SPATA13: variants seen among roughly 807,000 people sequenced by gnomAD.
SPATA13 encodes the protein spermatogenesis associated 13, also known as spermatogenesis-associated protein 13.
A neutral mutation model predicts 104.0 loss-of-function variants in SPATA13; 50 were observed. The observed-to-expected ratio is 0.48, with a 90% CI of 0.38 to 0.61. The LOEUF (loss-of-function observed/expected upper bound fraction) is 0.61. SPATA13 is among the 20% of genes least tolerant of loss of function. SPATA13 has a pLI of 0.00. For synonymous variants in SPATA13, 606 were observed against 667.5 expected, an observed-to-expected ratio of 0.91 and a Z score of 1.42; for missense variants, 1,524 against 1,690.6, an observed-to-expected ratio of 0.90 and a Z score of 1.73.
chr13:24,047,303 G>A (rs1002391970), intron 3 of SPATA13, among the ~76,000 whole-genome samples: 2 of 152,200 alleles, frequency 1.3e-5, no homozygotes, highest in Admixed American at 1.3e-4. Flanking sequence ...CTCCTAAGAG[G>A]CAAGGAATTA....
At chr13:24,247,397 C>A (rs796235428) in intron 2 of SPATA13, among the ~76,000 whole-genome samples, 3 of 151,736 alleles carry the variant, frequency 2.0e-5, no homozygotes, top group African/African-American at 7.2e-5. Context: ...TTCTTTAGGT[C>A]CCAGTTTTCC....
At chr13:24,278,059 T>C (rs1471681353) in intron 4 of SPATA13, among the ~76,000 whole-genome samples, 1 of 152,128 alleles carries the variant, frequency 6.6e-6, no homozygotes, top group African/African-American at 2.4e-5. Flanking sequence ...CAGGCCCCAC[T>C]GGGAGCAGGG....
intron 3 of SPATA13, among the ~76,000 whole-genome samples, chr13:24,148,006 C>A (rs902270380): frequency 6.6e-6 from 1 of 152,186 alleles, no homozygotes; most frequent in Non-Finnish European, 1.5e-5. Flanking sequence ...CCACTGGACA[C>A]CTGGGTTGTT....
At chr13:24,265,700 T>C (rs1874268248) in intron 4 of SPATA13, among the ~76,000 whole-genome samples, 1 of 152,138 alleles carries the variant, frequency 6.6e-6, no homozygotes, top group Non-Finnish European at 1.5e-5. Flanking sequence ...CTAAAGCTGA[T>C]GGCCATGCTT....
At chr13:24,173,462 A>C (rs868526913) in intron 1 of SPATA13, among the ~76,000 whole-genome samples, 2 of 142,054 alleles carry the variant, frequency 1.4e-5, no homozygotes, top group African/African-American at 2.6e-5. Context: ...GAATGGCTTT[A>C]TTTCTTTCTT....
chr13:24,256,844 G>A (rs1455658253), intron 4 of SPATA13, among the ~76,000 whole-genome samples: 1 of 152,228 alleles, frequency 6.6e-6, no homozygotes, highest in East Asian at 1.9e-4. Context: ...CCTTATCGGA[G>A]GGAAGAGTGA....
At chr13:24,176,503 T>G (rs1162004801) in intron 1 of SPATA13, among the ~76,000 whole-genome samples, 4 of 152,150 alleles carry the variant, frequency 2.6e-5, no homozygotes. Flanking sequence ...TTTCTGCTTT[T>G]CAGATCACAA....
chr13:24,138,065 C>G (rs766765819), intron 3 of SPATA13, among the ~76,000 whole-genome samples: 18 of 151,836 alleles, frequency 1.2e-4, no homozygotes, highest in Non-Finnish European at 2.2e-4. Context: ...GTTTGGGAGG[C>G]CAGGCAGGTG....
chr13:24,187,366 C>T (rs927606519), intron 1 of SPATA13, among the ~76,000 whole-genome samples: 2 of 152,126 alleles, frequency 1.3e-5, no homozygotes, highest in African/African-American at 4.8e-5. Context: ...TTCTCAGTGG[C>T]TTTGTTAACA....
Position 24,123,065 on chromosome 13 carries a change from T to C in SPATA13, c.-111-99754T>C. On this transcript the variant is annotated intron_variant, in intron 3 of 14. Transcript: ENST00000424834. ...TCATTGCCAAATGTTGTGTCATTTC[T>C]ACTGCAATAGGAGTAAATTCTTCAC... 5 of 952,654 alleles carry C rather than the reference T, an allele frequency of 5.2e-6. No homozygotes were observed. In the South Asian group the frequency reaches 6.4e-5, roughly 12 times the overall value. The allele number at this position is 952,654 out of a possible 1,614,324, so 59.0% of individuals were successfully genotyped here.
chr13:24,195,150 C>A (rs1163322127), intron 1 of SPATA13, among the ~76,000 whole-genome samples: 2 of 152,152 alleles, frequency 1.3e-5, no homozygotes, highest in African/African-American at 4.8e-5. Context: ...TGACCTGCCT[C>A]CTGTCTCTAT....
intron 3 of SPATA13, among the ~76,000 whole-genome samples, chr13:24,062,630 G>A (rs1219858606): frequency 1.3e-5 from 2 of 152,112 alleles, no homozygotes; most frequent in Non-Finnish European, 2.9e-5. Flanking sequence ...GTCGGGCTTC[G>A]GTGTGTCTGG....
chr13:24,055,920 C>T (rs1878525608), intron 3 of SPATA13, among the ~76,000 whole-genome samples: 1 of 152,216 alleles, frequency 6.6e-6, no homozygotes, highest in Non-Finnish European at 1.5e-5. Context: ...GTTGGCAATG[C>T]CGTGCCTTTT....
intron 2 of SPATA13, among the ~76,000 whole-genome samples, chr13:24,243,383 C>T (rs1872953087): frequency 1.3e-5 from 2 of 152,188 alleles, no homozygotes; most frequent in Non-Finnish European, 2.9e-5. Context: ...ACTGTCATTC[C>T]CTGTCCCCTC....
intron 4 of SPATA13, among the ~76,000 whole-genome samples, chr13:24,270,182 A>G (rs1186334234): frequency 6.6e-6 from 1 of 152,202 alleles, no homozygotes; most frequent in Non-Finnish European, 1.5e-5. Context: ...AGACTTGCTC[A>G]TTGTAGATAA....
At chr13:24,199,131 C>T (rs182260662) in intron 1 of SPATA13, among the ~76,000 whole-genome samples, 162 of 152,112 alleles carry the variant, frequency 1.1e-3, no homozygotes, top group African/African-American at 3.6e-3. Flanking sequence ...TCAAGCGATC[C>T]GCCCGTCTTG....
At chr13:24,020,534 C>T (rs1344427461) in intron 3 of SPATA13, among the ~76,000 whole-genome samples, 3 of 152,170 alleles carry the variant, frequency 2.0e-5, no homozygotes, top group Admixed American at 6.5e-5. Flanking sequence ...GAACCTTAAA[C>T]GAATTGTATT....
chr13:24,293,220 A>G (rs1157886578), intron 9 of SPATA13, among the ~76,000 whole-genome samples: 1 of 150,170 alleles, frequency 6.7e-6, no homozygotes, highest in Admixed American at 6.6e-5. Flanking sequence ...GAAATCAGAA[A>G]AGTTCAGTGG....
At chr13:24,078,537 A>G (rs1305860416) in intron 3 of SPATA13, among the ~76,000 whole-genome samples, 1 of 152,214 alleles carries the variant, frequency 6.6e-6, no homozygotes, top group African/African-American at 2.4e-5. Flanking sequence ...GACTTTAAGT[A>G]TGCTCACTTA....
Sources: allele counts gnomAD v4.1 joint callset (sites outside exome capture counted in the v4.1 genomes callset), GRCh38; gene constraint gnomAD v4.1.1; transcripts MANE v1.5; gene names NCBI Gene and HGNC (gene_info 2026-07-23, HGNC 2026-07-21).